Variants in CACNA1C observed in about 807,000 individuals in gnomAD.
CACNA1C encodes voltage-dependent L-type calcium channel subunit alpha-1C.
Under a neutral mutation model 229.0 loss-of-function variants are expected in CACNA1C, and 30 were observed. That is an observed-to-expected ratio of 0.13 (90% CI 0.10 to 0.18). The LOEUF (loss-of-function observed/expected upper bound fraction) is 0.18. CACNA1C is among the 10% of genes least tolerant of loss of function. The pLI is 1.00. For synonymous variants in CACNA1C, 1,114 were observed against 1,132.5 expected (o/e 0.98, Z 0.33); for missense variants, 1,658 against 2,845.0 (o/e 0.58, Z 9.49).
intron 13 of CACNA1C, among the ~76,000 whole-genome samples, chr12:2,578,069 C>A (rs990334194): frequency 6.6e-6 from 1 of 151,794 alleles, no homozygotes; most frequent in East Asian, 1.9e-4. Flanking sequence ...GGGGTTTCAC[C>A]GTGTTAGCCA....
At chr12:2,465,729 A>G (rs1275756123) in intron 5 of CACNA1C, among the ~76,000 whole-genome samples, 2 of 152,150 alleles carry the variant, frequency 1.3e-5, no homozygotes, top group African/African-American at 2.4e-5. Flanking sequence ...TTGGAAATCT[A>G]CAAAAGAAGG....
intron 42 of CACNA1C, 129 bp from the exon 43 acceptor site, chr12:2,682,421 C>A: frequency 9.3e-7 from 1 of 1,081,038 alleles, no homozygotes. Context: ...TGCCTGTTCA[C>A]GTGTGTGTGC....
intron 3 of CACNA1C, among the ~76,000 whole-genome samples, chr12:2,378,372 C>T (rs73035462): frequency 0.064 from 9,765 of 152,242 alleles, 400 homozygotes; most frequent in Middle Eastern, 0.11. Flanking sequence ...CCTCTGCAAT[C>T]TGCAGTCTTT....
chr12:2,567,603 G>A lies in CACNA1C; in HGVS notation c.1704G>A (p.Thr568=), dbSNP rs770625734. 6.2e-6 allele frequency: 10 copies of A among 1,602,566 alleles called. No homozygotes were observed. Among genetic ancestry groups the A allele is most frequent in the African/African-American group, 4.0e-5 (3 of 74,714 alleles). Residue 568 remains threonine (T), a synonymous_variant, in exon 13 of 47, where the codon ACG becomes ACA. Coordinates refer to ENST00000399655, the MANE Select transcript of CACNA1C (RefSeq NM_000719.7). ...TANKALLALF[T]AEMLLKMYSL... ...ACAAGGCCCTGCTGGCCCTGTTCACGGCAGAGATGCTCCTGAAGATGTACA... is the reference window on the plus strand; with the variant it reads ...ACAAGGCCCTGCTGGCCCTGTTCACAGCAGAGATGCTCCTGAAGATGTACA...
At chr12:2,609,339 C>T (rs1020926097) in intron 27 of CACNA1C, among the ~76,000 whole-genome samples, 1 of 151,930 alleles carries the variant, frequency 6.6e-6, no homozygotes, top group Admixed American at 6.6e-5. Context: ...TGGGAGGAGT[C>T]CGTGGGGAAA....
At chr12:2,421,420 A>G (rs577433037) in intron 3 of CACNA1C, among the ~76,000 whole-genome samples, 2 of 152,340 alleles carry the variant, frequency 1.3e-5, no homozygotes, top group East Asian at 1.9e-4. Flanking sequence ...ATCTGCCTCA[A>G]TTCTTTTTTG....
chr12:2,100,582 CAAAAAAAA>C lies in CACNA1C; in HGVS notation c.50-14624_50-14617del, dbSNP rs71441677. Among the ~76,000 whole-genome samples the C allele has an allele frequency of 5.4e-3, 356 of 66,470 alleles. 2 individuals are homozygous for C. The highest frequency in any genetic ancestry group is 0.024 in the Middle Eastern group (2 of 82). The allele number at this position is 66,470 out of a possible 152,430, so 43.6% of individuals were successfully genotyped here. A position where few individuals can be genotyped will look rare whatever the true frequency, so the allele number is the denominator to read the frequency against. ...CTGGGCAACATAGCCCTGTTTCTAC[CAAAAAAAA>C]AAAAAAAAAAAAAAAAATTAGCTGG... On this transcript the variant is annotated intron_variant, in intron 1 of 46. Coordinates refer to ENST00000399655, the MANE Select transcript of CACNA1C (RefSeq NM_000719.7).
At chr12:2,640,182 C>G (rs1262094416) in intron 30 of CACNA1C, among the ~76,000 whole-genome samples, 1 of 152,174 alleles carries the variant, frequency 6.6e-6, no homozygotes, top group Non-Finnish European at 1.5e-5. Context: ...TCAGACAGGA[C>G]GAACATCTGC....
chr12:2,606,090 G>A (rs1325858641), intron 24 of CACNA1C, among the ~76,000 whole-genome samples: 2 of 152,294 alleles, frequency 1.3e-5, no homozygotes, highest in African/African-American at 4.8e-5. Flanking sequence ...GTGTCAGTCA[G>A]TTGCTTAAAG....
rs565053939 is a variant in CACNA1C, at chr12:2,475,074, C to T, written c.758-11030C>T. 2.6e-5 allele frequency among the ~76,000 whole-genome samples: 4 copies of T among 152,152 alleles called. No individual in the cohort carries two copies. The South Asian group carries it at 6.2e-4, about 24-fold the overall frequency. ...CAGCACTTTGGTGGGCCGAGGCAGG[C>T]GGATCACGAGGTCAGGAGATCGAGA... On this transcript the variant is annotated intron_variant, in intron 5 of 46. Transcript: ENST00000399655.
chr12:2,356,196 G>C (rs955937082), intron 3 of CACNA1C, among the ~76,000 whole-genome samples: 1 of 152,176 alleles, frequency 6.6e-6, no homozygotes, highest in African/African-American at 2.4e-5. Context: ...CCTAGACTGG[G>C]GACTTAGGGA....
At chr12:2,372,475 G>A (rs1007148846) in intron 3 of CACNA1C, among the ~76,000 whole-genome samples, 13 of 152,188 alleles carry the variant, frequency 8.5e-5, no homozygotes, top group African/African-American at 2.7e-4. Context: ...ATCTCCAGCA[G>A]GGGCTTCTTT....
chr12:2,096,735 C>A (rs549548139), intron 1 of CACNA1C, among the ~76,000 whole-genome samples: 1 of 152,294 alleles, frequency 6.6e-6, no homozygotes, highest in African/African-American at 2.4e-5. Flanking sequence ...ACCATTAACT[C>A]CCATTTTCTC....
intron 1 of CACNA1C, among the ~76,000 whole-genome samples, chr12:2,095,056 C>T (rs1256164598): frequency 1.3e-5 from 2 of 152,162 alleles, no homozygotes; most frequent in Admixed American, 6.5e-5. Context: ...ATAAGTTGCC[C>T]GGGCTCACAG....
chr12:2,161,087 T>C (rs2095831211), intron 3 of CACNA1C, among the ~76,000 whole-genome samples: 1 of 152,248 alleles, frequency 6.6e-6, no homozygotes, highest in South Asian at 2.1e-4. Flanking sequence ...CCCAAAGTGT[T>C]GGGATAACAG....
intron 3 of CACNA1C, among the ~76,000 whole-genome samples, chr12:2,358,251 CTG>C (rs57191390): frequency 0.04 from 5,407 of 135,772 alleles, 138 homozygotes; most frequent in African/African-American, 0.055. Context: ...CGGCGTCCTC[CTG>C]TGTGTGTGTG....
intron 38 of CACNA1C, among the ~76,000 whole-genome samples, chr12:2,671,661 A>C (rs1379713907): frequency 6.6e-6 from 1 of 152,238 alleles, no homozygotes; most frequent in Non-Finnish European, 1.5e-5. Context: ...AGCCAACCAC[A>C]TGCCAACTAA....
chr12:2,120,685 TG>T (rs2086243773), intron 3 of CACNA1C, among the ~76,000 whole-genome samples: 1 of 149,212 alleles, frequency 6.7e-6, no homozygotes, highest in African/African-American at 2.5e-5. Flanking sequence ...TGTGTGTGTG[TG>T]TGTGTGTGTG....
In CACNA1C at chr12:1,996,647, A is replaced by C. The variant is rs967278175; in HGVS notation, c.139+25446A>C. 1.3e-3 allele frequency among the ~76,000 whole-genome samples: 69 copies of C among 54,158 alleles called. 3 individuals are homozygous for C. The highest frequency in any genetic ancestry group is 5.8e-3 in the African/African-American group (59 of 10,172). 35.5% of individuals were successfully genotyped at this position (54,158 alleles called of 152,430 possible). A position where few individuals can be genotyped will look rare whatever the true frequency, so the allele number is the denominator to read the frequency against. ...AAAAAAAAAAAAAAAAAAAAAAAAA[A>C]AAAAAAAACAACAAACTCTTCTAAT... On this transcript the variant is annotated intron_variant, in intron 1 of 46. Coordinates refer to the CACNA1C transcript ENST00000682462.
Sources: gnomAD v4.1 joint callset for allele counts (sites outside exome capture counted in the v4.1 genomes callset) on GRCh38, gnomAD v4.1.1 for gene constraint, MANE v1.5 for transcripts, NCBI Gene and HGNC (gene_info 2026-07-23, HGNC 2026-07-21) for gene names.